The following MGAT4C variants were observed in gnomAD, a reference collection of about 807,000 sequenced individuals.
The protein encoded by MGAT4C is MGAT4 family member C, also known as alpha-1,3-mannosyl-glycoprotein 4-beta-N-acetylglucosaminyltransferase C.
Under a neutral mutation model 40.1 loss-of-function variants are expected in MGAT4C, and 19 were observed. The ratio of observed to expected loss-of-function variants is 0.47; its 90% CI spans 0.33 to 0.70. MGAT4C has a LOEUF of 0.70. Ranked by LOEUF, MGAT4C falls within the 30% of genes least tolerant of loss-of-function variation. The pLI is 0.02. For synonymous variants in MGAT4C, 181 were observed against 187.1 expected (o/e 0.97, Z 0.27); for missense variants, 491 against 563.2 (o/e 0.87, Z 1.30).
intron 2 of MGAT4C, among the ~76,000 whole-genome samples, chr12:86,705,154 C>T (rs907862883): frequency 1.5e-4 from 23 of 152,164 alleles, no homozygotes; most frequent in African/African-American, 5.5e-4. Flanking sequence ...GACTTCAAAA[C>T]AGACACTTTG....
At chr12:86,109,145 C>T (rs1448770291) in intron 1 of MGAT4C, among the ~76,000 whole-genome samples, 1 of 152,074 alleles carries the variant, frequency 6.6e-6, no homozygotes, top group East Asian at 1.9e-4. Flanking sequence ...TTGTCAAATA[C>T]TCTTTCTATC....
At chr12:86,196,756 C>A (rs899284944) in intron 1 of MGAT4C, among the ~76,000 whole-genome samples, 5 of 152,174 alleles carry the variant, frequency 3.3e-5, no homozygotes, top group African/African-American at 1.2e-4. Context: ...CTGATTAAAT[C>A]CATAGGTAAT....
At chr12:86,316,789 A>G (rs1384204461) in intron 4 of MGAT4C, among the ~76,000 whole-genome samples, 2 of 152,180 alleles carry the variant, frequency 1.3e-5, no homozygotes, top group African/African-American at 4.8e-5. Flanking sequence ...TGATGGAATC[A>G]ATCATACCAT....
intron 1 of MGAT4C, among the ~76,000 whole-genome samples, chr12:86,055,073 G>A (rs1382802890): frequency 2.0e-5 from 3 of 151,902 alleles, no homozygotes; most frequent in Non-Finnish European, 2.9e-5. Flanking sequence ...TATCCCCAGA[G>A]TCTTGCACAC....
chr12:86,749,966 A>G (rs879812916), intron 1 of MGAT4C, among the ~76,000 whole-genome samples: 4 of 151,740 alleles, frequency 2.6e-5, no homozygotes, highest in Non-Finnish European at 4.4e-5. Flanking sequence ...CTCTGAAAGA[A>G]TATCTCGCAT....
chr12:86,106,457 T>G (rs1035702941), intron 1 of MGAT4C, among the ~76,000 whole-genome samples: 1 of 152,106 alleles, frequency 6.6e-6, no homozygotes, highest in Non-Finnish European at 1.5e-5. Flanking sequence ...CCCGCCAGGA[T>G]GCCTGGCTAA....
At chr12:86,796,773 T>C (rs1374051001) in intron 1 of MGAT4C, among the ~76,000 whole-genome samples, 2 of 151,880 alleles carry the variant, frequency 1.3e-5, no homozygotes, top group African/African-American at 4.8e-5. Flanking sequence ...CTTCAAAACA[T>C]CATGGATGTA....
intron 2 of MGAT4C, among the ~76,000 whole-genome samples, chr12:86,585,736 T>TTA (rs1960997129): frequency 7.0e-6 from 1 of 143,704 alleles, no homozygotes; most frequent in Non-Finnish European, 1.6e-5. Flanking sequence ...TTTTTTTTAA[T>TTA]TTTTTTTTTA....
At chr12:86,680,746 G>A (rs1409281092) in intron 2 of MGAT4C, among the ~76,000 whole-genome samples, 1 of 151,956 alleles carries the variant, frequency 6.6e-6, no homozygotes, top group Non-Finnish European at 1.5e-5. Context: ...CCATAACCAT[G>A]CACTTGAGCC....
At chr12:86,259,008 A>G (rs1010304949), upstream of MGAT4C, among the ~76,000 whole-genome samples, 1 of 151,960 alleles carries the variant, frequency 6.6e-6, no homozygotes, top group African/African-American at 2.4e-5. Flanking sequence ...TTACATTTAT[A>G]CACTCAGGAA....
Position 86,341,595 on chromosome 12 carries a change from T to C in MGAT4C, c.-119-7468A>G, listed in dbSNP as rs375455771. Among the ~76,000 whole-genome samples the C allele has an allele frequency of 3.4e-4, 52 of 152,316 alleles. No individual in the cohort carries two copies. In the East Asian group the frequency reaches 5.0e-3, roughly 15 times the overall value. On this transcript the variant is annotated intron_variant, in intron 3 of 7. Coordinates refer to the MGAT4C transcript ENST00000548651. ...TACAATCAGCTACCAGTAGCAGCACTGCACTCCCCTAAGAAGGATCTCCCA... is the reference window on the plus strand; with the variant it reads ...TACAATCAGCTACCAGTAGCAGCACCGCACTCCCCTAAGAAGGATCTCCCA...
At chr12:86,489,589 G>A (rs1958091757) in intron 2 of MGAT4C, among the ~76,000 whole-genome samples, 1 of 152,178 alleles carries the variant, frequency 6.6e-6, no homozygotes, top group South Asian at 2.1e-4. Flanking sequence ...GGGATCACAG[G>A]CACCCTGACC....
chr12:86,617,908 G>C (rs867041125), intron 2 of MGAT4C, among the ~76,000 whole-genome samples: 5 of 152,088 alleles, frequency 3.3e-5, no homozygotes, highest in Non-Finnish European at 7.4e-5. Flanking sequence ...CGTGGTGAAT[G>C]AAAGGAAATA....
At chr12:86,502,743 A>T (rs1285279317) in intron 2 of MGAT4C, among the ~76,000 whole-genome samples, 35 of 62,640 alleles carry the variant, frequency 5.6e-4, no homozygotes, top group African/African-American at 1.1e-3. Flanking sequence ...CTCATATATA[A>T]ATACACGAGT....
At chr12:86,566,540 A>ATG (rs1960115374) in intron 2 of MGAT4C, among the ~76,000 whole-genome samples, 1 of 81,310 alleles carries the variant, frequency 1.2e-5, no homozygotes, top group South Asian at 3.3e-4. Context: ...ACATATATAT[A>ATG]TATATATATA....
intron 4 of MGAT4C, among the ~76,000 whole-genome samples, chr12:86,300,335 C>T (rs1566270641): frequency 6.6e-6 from 1 of 152,070 alleles, no homozygotes; most frequent in Non-Finnish European, 1.5e-5. Context: ...CAGCTTCTGA[C>T]CATCCAGATA....
At chr12:86,710,475 A>C (rs987498080) in intron 2 of MGAT4C, among the ~76,000 whole-genome samples, 2 of 152,044 alleles carry the variant, frequency 1.3e-5, no homozygotes, top group Admixed American at 6.6e-5. Context: ...TAATTTATTG[A>C]CTCTTTTGAC....
At chr12:86,402,729 T>C (rs1360638878) in intron 3 of MGAT4C, among the ~76,000 whole-genome samples, 2 of 152,186 alleles carry the variant, frequency 1.3e-5, no homozygotes, top group South Asian at 2.1e-4. Flanking sequence ...TGGATTTATA[T>C]ACTGACTTTA....
chr12:86,090,479 C>T lies in MGAT4C; in HGVS notation c.-56-40756G>A, dbSNP rs1872691267. Among the ~76,000 whole-genome samples, 3 of 151,562 alleles carry T rather than the reference C, an allele frequency of 2.0e-5. No individual in the cohort carries two copies. In the South Asian group the frequency reaches 6.2e-4, roughly 31 times the overall value. On this transcript the variant is annotated intron_variant, in intron 1 of 4. Transcript: ENST00000611864. ...TACATTATGTTGTACCTACTTTTAG[C>T]CCTTAAATATGTATGATATATTGGT... is the stretch of plus-strand genomic sequence containing the variant.
Sources: gnomAD v4.1 joint callset for allele counts (sites outside exome capture counted in the v4.1 genomes callset) on GRCh38, gnomAD v4.1.1 for gene constraint, MANE v1.5 for transcripts, NCBI Gene and HGNC (gene_info 2026-07-23, HGNC 2026-07-21) for gene names.